Variants in SNRPN observed in about 807,000 individuals in gnomAD.
SNRPN encodes the protein small nuclear ribonucleoprotein-associated protein N.
Under a neutral mutation model 25.2 loss-of-function variants are expected in SNRPN, and 7 were observed. That is an observed-to-expected ratio of 0.28 (90% CI 0.16 to 0.52). The LOEUF is 0.52. SNRPN is among the 20% of genes least tolerant of loss of function. SNRPN has a pLI of 0.96. For missense variants in SNRPN, 196 were observed against 322.5 expected (o/e 0.61, Z 3.00); for synonymous variants, 124 against 110.6 (o/e 1.12, Z -0.76).
chr15:24,889,914 G>T (rs1359463908), intron 2 of SNRPN, among the ~76,000 whole-genome samples: 2 of 151,694 alleles, frequency 1.3e-5, no homozygotes. Context: ...GCCGGGTGTG[G>T]TGGTACACGC....
intron 3 of SNRPN, 123 bp downstream of exon 3, chr15:24,968,205 T>G (rs1802004382): frequency 1.6e-6 from 1 of 644,566 alleles, no homozygotes; most frequent in South Asian, 1.8e-5. Flanking sequence ...ATAAACACAT[T>G]GCAGAAAGTT....
At chr15:24,918,553 T>C (rs1392083526) in intron 2 of SNRPN, among the ~76,000 whole-genome samples, 2 of 97,380 alleles carry the variant, frequency 2.1e-5, no homozygotes, top group African/African-American at 3.6e-5. Context: ...TATGTGTGTA[T>C]ATATAACATA....
chr15:24,907,319 C>T (rs138092388), intron 2 of SNRPN, among the ~76,000 whole-genome samples: 7 of 152,220 alleles, frequency 4.6e-5, no homozygotes, highest in Admixed American at 1.3e-4. Context: ...GTGTTGAGGC[C>T]GGGCATGGTG....
chr15:24,851,513 G>A (rs1459475116), intron 2 of SNRPN: 1 of 152,868 alleles, frequency 6.5e-6, no homozygotes, highest in Non-Finnish European at 1.5e-5. Context: ...AGGGGACAGT[G>A]GATTAGAAGG....
At chr15:24,941,452 A>C (rs1290511322) in intron 3 of SNRPN, among the ~76,000 whole-genome samples, 1 of 152,238 alleles carries the variant, frequency 6.6e-6, no homozygotes, top group African/African-American at 2.4e-5. Context: ...AGCAAGCACC[A>C]CGGCTGGTTG....
chr15:24,838,561 G>C (rs559674644), intron 2 of SNRPN, among the ~76,000 whole-genome samples: 1 of 152,120 alleles, frequency 6.6e-6, no homozygotes, highest in Admixed American at 6.5e-5. Flanking sequence ...GTTCCCACCT[G>C]CCCCTCCCTG....
chr15:24,829,940 G>A (rs1057513827), intron 2 of SNRPN: 1 of 152,174 alleles, frequency 6.6e-6, no homozygotes, highest in Non-Finnish European at 1.5e-5. Flanking sequence ...GGGACCCCAG[G>A]GAAGCTACAC....
At chr15:24,977,573 G>C (rs2077209134) in intron 7 of SNRPN, among the ~76,000 whole-genome samples, 1 of 152,146 alleles carries the variant, frequency 6.6e-6, no homozygotes, top group Non-Finnish European at 1.5e-5. Context: ...AGGAGTGGGA[G>C]GCTGCAGTGA....
intron 1 of SNRPN, among the ~76,000 whole-genome samples, chr15:24,874,750 T>G (rs1258107926): frequency 6.6e-6 from 1 of 151,966 alleles, no homozygotes; most frequent in Non-Finnish European, 1.5e-5. Flanking sequence ...AATAGGAGAG[T>G]AGGACTCTGT....
chr15:24,882,066 T>C (rs1333577245), intron 1 of SNRPN, among the ~76,000 whole-genome samples: 1 of 152,168 alleles, frequency 6.6e-6, no homozygotes, highest in African/African-American at 2.4e-5. Context: ...TAGCTGCCTC[T>C]TCATATCCTT....
chr15:24,840,862 T>C (rs1245572905), intron 2 of SNRPN, among the ~76,000 whole-genome samples: 1 of 152,188 alleles, frequency 6.6e-6, no homozygotes, highest in Non-Finnish European at 1.5e-5. Context: ...TTTTCTTTTT[T>C]TCGAGACGGA....
At chr15:24,927,124 T>A (rs1030995074) in intron 3 of SNRPN, among the ~76,000 whole-genome samples, 1 of 152,022 alleles carries the variant, frequency 6.6e-6, no homozygotes, top group Non-Finnish European at 1.5e-5. Context: ...TTTCTCCCCC[T>A]TTTCTTTTTT....
chr15:24,861,413 A>G (rs1036946327), intron 1 of SNRPN, among the ~76,000 whole-genome samples: 5 of 152,346 alleles, frequency 3.3e-5, no homozygotes, highest in Admixed American at 2.6e-4. Flanking sequence ...AAAAGATGGT[A>G]TAAAACAAAA....
chr15:24,826,660 C>T lies in SNRPN; in HGVS notation c.-687+2810C>T, dbSNP rs192502571. On this transcript the variant is annotated intron_variant, in intron 1 of 12. Transcript: ENST00000400100. Reference sequence around the variant, plus strand: ...AAAGAAAAACCTATGATTTAATGGGCGTGTGTAACACTAGAGGGAAGGTCA... The same window carrying T: ...AAAGAAAAACCTATGATTTAATGGGTGTGTGTAACACTAGAGGGAAGGTCA... 1.4e-4 allele frequency among the ~76,000 whole-genome samples: 22 copies of T among 152,034 alleles called. No homozygotes were observed. In the East Asian group the frequency reaches 3.3e-3, roughly 23 times the overall value.
upstream of SNRPN, among the ~76,000 whole-genome samples, chr15:24,855,164 TGTAAA>T (rs202161083): frequency 3.2e-3 from 484 of 152,362 alleles, 2 homozygotes; most frequent in African/African-American, 8.7e-3. Context: ...CATTGTGAAA[TGTAAA>T]GTAATGATGC....
intron 2 of SNRPN, among the ~76,000 whole-genome samples, chr15:24,919,014 T>C (rs1396274213): frequency 7.2e-6 from 1 of 138,756 alleles, no homozygotes; most frequent in East Asian, 2.1e-4. Flanking sequence ...TATAACATAA[T>C]ATATATGTGC....
At chr15:24,978,355 G>A (rs1426145125) in intron 9 of SNRPN, 37 bp downstream of exon 9, 4 of 1,613,620 alleles carry the variant, frequency 2.5e-6, no homozygotes, top group East Asian at 4.5e-5. Flanking sequence ...GTTCAGCCAG[G>A]CCCCTGAATA....
chr15:24,928,389 T>C (rs2060561446), intron 3 of SNRPN, among the ~76,000 whole-genome samples: 1 of 151,600 alleles, frequency 6.6e-6, no homozygotes, highest in Non-Finnish European at 1.5e-5. Flanking sequence ...GGAATACTAT[T>C]TAGCCATAAA....
chr15:24,925,940 TAGGC>T (rs1413607060), intron 3 of SNRPN, among the ~76,000 whole-genome samples: 13 of 152,158 alleles, frequency 8.5e-5, no homozygotes, highest in Non-Finnish European at 5.9e-5. Context: ...TTCACTGTGT[TAGGC>T]AGGATGGTCT....
Sources: gnomAD v4.1 joint callset for allele counts (sites outside exome capture counted in the v4.1 genomes callset) on GRCh38, gnomAD v4.1.1 for gene constraint, MANE v1.5 for transcripts, NCBI Gene and HGNC (gene_info 2026-07-23, HGNC 2026-07-21) for gene names.